Variants in INPP5A observed in about 807,000 individuals in gnomAD.
INPP5A encodes inositol polyphosphate-5-phosphatase A, also known as 43 kDa inositol polyphosphate 5-phophatase.
In INPP5A, 14 loss-of-function variants were observed where a neutral mutation model predicts 65.2. The observed-to-expected ratio is 0.21, with a 90% CI of 0.14 to 0.34. The LOEUF (loss-of-function observed/expected upper bound fraction) is 0.34. Ranked by LOEUF, INPP5A falls within the 10% of genes least tolerant of loss-of-function variation. The pLI is 1.00. For missense variants in INPP5A, 431 were observed against 545.6 expected, an observed-to-expected ratio of 0.79 and a Z score of 2.09; for synonymous variants, 207 against 208.3, an observed-to-expected ratio of 0.99 and a Z score of 0.05.
chr10:132,734,682 A>G (rs752696858), intron 9 of INPP5A, among the ~76,000 whole-genome samples: 1 of 152,254 alleles, frequency 6.6e-6, no homozygotes, highest in Non-Finnish European at 1.5e-5. Context: ...CTTGGGCACC[A>G]GGAGTGCCCG....
chr10:132,573,178 T>G (rs1297929412), intron 1 of INPP5A, among the ~76,000 whole-genome samples: 10 of 135,288 alleles, frequency 7.4e-5, no homozygotes, highest in Non-Finnish European at 1.1e-4. Flanking sequence ...TGTTGCGATG[T>G]TGGGGTGTAC....
At chr10:132,624,410 G>A (rs886378282) in intron 2 of INPP5A, among the ~76,000 whole-genome samples, 10 of 152,284 alleles carry the variant, frequency 6.6e-5, no homozygotes, top group East Asian at 3.9e-4. Context: ...ACACCGGCGC[G>A]CCCTCACCAG....
At chr10:132,543,875 A>C (rs1200782732) in intron 1 of INPP5A, among the ~76,000 whole-genome samples, 1 of 152,154 alleles carries the variant, frequency 6.6e-6, no homozygotes, top group Non-Finnish European at 1.5e-5. Flanking sequence ...GTTCGGGTGA[A>C]CAGTGGATGT....
intron 2 of INPP5A, among the ~76,000 whole-genome samples, chr10:132,645,446 G>A (rs915853636): frequency 6.6e-5 from 10 of 152,156 alleles, no homozygotes; most frequent in African/African-American, 1.7e-4. Flanking sequence ...TCCCGCACAC[G>A]TATGCACACG....
chr10:132,699,601 C>A (rs1300726173), intron 6 of INPP5A, among the ~76,000 whole-genome samples: 1 of 152,052 alleles, frequency 6.6e-6, no homozygotes, highest in African/African-American at 2.4e-5. Context: ...GTAGGAGAGC[C>A]CATAGGGAGC....
At chr10:132,745,805 G>A (rs538344027) in intron 9 of INPP5A, among the ~76,000 whole-genome samples, 14 of 146,600 alleles carry the variant, frequency 9.5e-5, no homozygotes, top group Non-Finnish European at 2.0e-4. Flanking sequence ...TGGTGGCCTC[G>A]GGTGTGGTGG....
rs1471785790 is a variant in INPP5A, at chr10:132,678,012, A to G, written c.307-12380A>G. Reference sequence around the variant, plus strand: ...GGAGGCAGAATGAGATTACGTGTGCATCTCTCCCGCCAGCAGCCAGCCGGG... The same window carrying G: ...GGAGGCAGAATGAGATTACGTGTGCGTCTCTCCCGCCAGCAGCCAGCCGGG... On this transcript the variant is annotated intron_variant, in intron 4 of 15. Transcript: ENST00000368594. The surrounding 1 kb of genome is among the most constrained non-coding windows in gnomAD (Gnocchi z 4.1). Among the ~76,000 whole-genome samples, 1 of 152,264 alleles carries G rather than the reference A, an allele frequency of 6.6e-6. No individual in the cohort carries two copies. The highest frequency in any genetic ancestry group is 1.5e-5 in the Non-Finnish European group (1 of 68,038).
chr10:132,764,111 T>A (rs1846787148), intron 11 of INPP5A, among the ~76,000 whole-genome samples: 1 of 152,254 alleles, frequency 6.6e-6, no homozygotes, highest in Non-Finnish European at 1.5e-5. Flanking sequence ...GCAGTGGGGC[T>A]GTGAACGCCT....
chr10:132,781,510 C>T (rs1847161005), intron 14 of INPP5A, among the ~76,000 whole-genome samples: 1 of 152,352 alleles, frequency 6.6e-6, no homozygotes, highest in African/African-American at 2.4e-5. Context: ...CTGCCAGGTG[C>T]GGCAGAGCCG....
intron 8 of INPP5A, among the ~76,000 whole-genome samples, chr10:132,723,845 C>T (rs1030136320): frequency 2.7e-5 from 4 of 150,744 alleles, no homozygotes; most frequent in African/African-American, 7.5e-5. Flanking sequence ...ACAGGGCCCT[C>T]TGTCTTCCTC....
intron 9 of INPP5A, among the ~76,000 whole-genome samples, chr10:132,742,729 G>A (rs566338496): frequency 2.0e-5 from 3 of 152,304 alleles, no homozygotes; most frequent in African/African-American, 7.2e-5. Flanking sequence ...TCCTTCCCGG[G>A]GTCTGGAATC....
At chr10:132,595,467 A>G (rs1244625755) in intron 1 of INPP5A, among the ~76,000 whole-genome samples, 4 of 152,154 alleles carry the variant, frequency 2.6e-5, no homozygotes, top group Non-Finnish European at 5.9e-5. Flanking sequence ...CCTCACCTAC[A>G]TTGTGGTGTT....
chr10:132,631,425 CAG>C (rs2072271681), intron 2 of INPP5A, among the ~76,000 whole-genome samples: 1 of 152,214 alleles, frequency 6.6e-6, no homozygotes, highest in Non-Finnish European at 1.5e-5. Flanking sequence ...GGATTTTAAA[CAG>C]GGTGTTTTCC....
intron 2 of INPP5A, among the ~76,000 whole-genome samples, chr10:132,645,663 A>G (rs1181656354): frequency 6.6e-6 from 1 of 152,238 alleles, no homozygotes; most frequent in Non-Finnish European, 1.5e-5. Context: ...TGGGAAAATG[A>G]AAAGCACTGG....
intron 6 of INPP5A, among the ~76,000 whole-genome samples, chr10:132,699,197 C>T (rs764709521): frequency 1.2e-4 from 18 of 152,104 alleles, no homozygotes; most frequent in Middle Eastern, 3.4e-3. Context: ...AAGGGCAGGG[C>T]GGGGGCTGTG....
intron 9 of INPP5A, among the ~76,000 whole-genome samples, chr10:132,745,998 C>T (rs1356780006): frequency 3.3e-5 from 5 of 152,072 alleles, no homozygotes; most frequent in African/African-American, 1.2e-4. Context: ...CCCTGCCTAC[C>T]CTGAGACGCC....
chr10:132,753,587 C>T lies in INPP5A; in HGVS notation c.903+3742C>T, dbSNP rs1846535834. 6.6e-6 allele frequency among the ~76,000 whole-genome samples: 1 copy of T among 152,162 alleles called. No individual in the cohort carries two copies. Among genetic ancestry groups the T allele is most frequent in the African/African-American group, 2.4e-5 (1 of 41,426 alleles). On this transcript the variant is annotated intron_variant, in intron 11 of 15. Coordinates refer to ENST00000368594, the MANE Select transcript of INPP5A (RefSeq NM_005539.5). This position sits in a 1 kb window ranked among gnomAD's most constrained non-coding sequence, Gnocchi z 5.3. ...ATTGTATAATTAATTATAAGTGTAG[C>T]TGTCAGGGCTGCAGGATGGAGTGCC... is the stretch of plus-strand genomic sequence containing the variant.
At chr10:132,671,597 G>A (rs1254492400) in intron 4 of INPP5A, among the ~76,000 whole-genome samples, 1 of 152,234 alleles carries the variant, frequency 6.6e-6, no homozygotes, top group South Asian at 2.1e-4. Context: ...CCAAGGATGT[G>A]TTGGGGCCGT....
chr10:132,702,922 A>C (rs955411001), intron 6 of INPP5A, among the ~76,000 whole-genome samples: 2 of 151,878 alleles, frequency 1.3e-5, no homozygotes, highest in African/African-American at 4.8e-5. Flanking sequence ...GGCTTGGGGG[A>C]GTGGCAGGGG....
Sources: gnomAD v4.1 joint callset for allele counts (sites outside exome capture counted in the v4.1 genomes callset) on GRCh38, gnomAD v4.1.1 for gene constraint, Gnocchi (gnomAD v3.1) non-coding constraint, MANE v1.5 for transcripts, NCBI Gene and HGNC (gene_info 2026-07-23, HGNC 2026-07-21) for gene names.